The following NEK10 variants were observed in gnomAD, a reference collection of about 807,000 sequenced individuals.
NEK10 encodes NIMA related kinase 10, also known as serine/threonine-protein kinase Nek10.
Under a neutral mutation model 159.8 loss-of-function variants are expected in NEK10, and 122 were observed. The observed-to-expected ratio is 0.76, with a 90% CI of 0.66 to 0.89. The LOEUF (loss-of-function observed/expected upper bound fraction) is 0.89, where lower values mean the gene tolerates loss of function less well. Ranked by LOEUF, NEK10 falls within the 40% of genes least tolerant of loss-of-function variation. NEK10 has a pLI of 0.00. For synonymous variants in NEK10, 466 were observed against 457.1 expected (o/e 1.02, Z -0.25); for missense variants, 1,342 against 1,323.1 (o/e 1.01, Z -0.22).
Position 27,107,264 on chromosome 3 carries a change from A to G in NEK10, c.*4008T>C, listed in dbSNP as rs1191573410. The stretch of plus-strand genomic sequence containing the variant: ...CCATCAGACACCCCATGAAACTCAT[A>G]AAATCTTTCCTGTCCCTCTTGCAAA... On this transcript the variant is annotated 3_prime_UTR_variant, in exon 36 of 36. Transcript: ENST00000691995. 6.6e-6 allele frequency among the ~76,000 whole-genome samples: 1 copy of G among 152,178 alleles called. No homozygotes were observed. The highest frequency in any genetic ancestry group is 6.5e-5 in the Admixed American group (1 of 15,276).
At chr3:27,176,918 T>A (rs577431071) in intron 26 of NEK10, among the ~76,000 whole-genome samples, 15 of 152,324 alleles carry the variant, frequency 9.8e-5, no homozygotes, top group African/African-American at 3.6e-4. Flanking sequence ...CTAGTAAAAC[T>A]TTAACAAAGG....
At chr3:27,180,027 G>A (rs1269498898) in intron 26 of NEK10, among the ~76,000 whole-genome samples, 3 of 152,108 alleles carry the variant, frequency 2.0e-5, no homozygotes, top group Admixed American at 6.5e-5. Flanking sequence ...GTTGCAGTGA[G>A]CTGAGATCAT....
At chr3:27,315,171 T>C (rs1236456789) in intron 6 of NEK10, among the ~76,000 whole-genome samples, 1 of 152,162 alleles carries the variant, frequency 6.6e-6, no homozygotes, top group Non-Finnish European at 1.5e-5. Flanking sequence ...GACATCTCTC[T>C]CCTTACTTAA....
At chr3:27,144,297 A>G (rs1944078408) in intron 30 of NEK10, among the ~76,000 whole-genome samples, 1 of 152,196 alleles carries the variant, frequency 6.6e-6, no homozygotes, top group Admixed American at 6.5e-5. Flanking sequence ...TCCTGGATGC[A>G]CTGTAGTTTA....
chr3:27,161,367 T>C (rs1945995327), intron 30 of NEK10, among the ~76,000 whole-genome samples: 1 of 152,176 alleles, frequency 6.6e-6, no homozygotes, highest in African/African-American at 2.4e-5. Flanking sequence ...CCTCAAACTG[T>C]CAATAACTCA....
chr3:27,232,470 A>G (rs1319493208), intron 23 of NEK10, among the ~76,000 whole-genome samples: 2 of 151,956 alleles, frequency 1.3e-5, no homozygotes, highest in Non-Finnish European at 2.9e-5. Context: ...ATCAATATTA[A>G]GAAAATGACC....
Position 27,284,957 on chromosome 3 carries a change from A to C in NEK10, c.1794T>G (p.Asp598Glu). The change falls in exon 21 of 36, where the codon GAT becomes GAG. Residue 598 changes from aspartate to glutamate, a missense_variant. Coordinates refer to ENST00000691995, the MANE Select transcript of NEK10 (RefSeq NM_001394966.1). ...TCAGCTCCATAACTATGTACAACCTATCATCTATATAAATATCACAAAAGG... is the reference window on the plus strand; with the variant it reads ...TCAGCTCCATAACTATGTACAACCTCTCATCTATATAAATATCACAAAAGG... ...VRYYKTFLEN[D>E]RLYIVMELIE... The C allele has an allele frequency of 6.3e-7, 1 of 1,592,074 alleles. No homozygotes were observed. Among genetic ancestry groups the C allele is most frequent in the Non-Finnish European group, 8.5e-7 (1 of 1,172,012 alleles).
chr3:27,322,343 T>C lies in NEK10; in HGVS notation c.363-82A>G, dbSNP rs543644104. 56 of 820,424 alleles carry C rather than the reference T, an allele frequency of 6.8e-5. 1 individual carries two copies. Among genetic ancestry groups the C allele is most frequent in the African/African-American group, 5.6e-4 (33 of 58,470 alleles). The allele number at this position is 820,424 out of a possible 1,614,324, so 50.8% of individuals were successfully genotyped here. A position where few individuals can be genotyped will look rare whatever the true frequency, so the allele number is the denominator to read the frequency against. On this transcript the variant is annotated intron_variant, in intron 5 of 35. Transcript: ENST00000691995. Reference sequence around the variant, plus strand: ...ATAAAAATGCAAGGCTATGAAGGAGTATAAAGAACGCACTAAGCACTTAGT... The same window carrying C: ...ATAAAAATGCAAGGCTATGAAGGAGCATAAAGAACGCACTAAGCACTTAGT...
In NEK10 at chr3:27,284,590, C is replaced by G; in HGVS notation, c.2014+12G>C. 6.9e-7 allele frequency: 1 copy of G among 1,442,824 alleles called. No homozygotes were observed. Among genetic ancestry groups the G allele is most frequent in the Non-Finnish European group, 9.8e-7 (1 of 1,024,388 alleles). The allele number at this position is 1,442,824 out of a possible 1,614,324, so 89.4% of individuals were successfully genotyped here. ...ATTCTTCAGTTAAAAGTTTAAAAAT[C>G]TTTATACTTACTAACGGTTACTTTG... On this transcript the variant is annotated intron_variant, in intron 22 of 35. Transcript: ENST00000691995.
intron 23 of NEK10, among the ~76,000 whole-genome samples, chr3:27,243,830 G>GGTGTGTGTGTGTGT (rs56720203): frequency 1.3e-5 from 2 of 148,272 alleles, no homozygotes; most frequent in Admixed American, 1.3e-4. Context: ...TGACACCATG[G>GGTGTGTGTGTGTGT]GTGTGTGTGT....
chr3:27,112,224 T>C lies in NEK10; in HGVS notation c.3300-904A>G, dbSNP rs564065307. ...TCCTCAAAGATAGCTAACAGATAGA[T>C]AATGGCTTTATCCTGAGACTTTCAG... On this transcript the variant is annotated intron_variant, in intron 35 of 35. Transcript: ENST00000691995. Among the ~76,000 whole-genome samples, 3 of 152,346 alleles carry C rather than the reference T, an allele frequency of 2.0e-5. No homozygotes were observed. The East Asian group carries it at 5.8e-4, about 29-fold the overall frequency.
At chr3:27,163,563 AG>A (rs532152050) in intron 29 of NEK10, among the ~76,000 whole-genome samples, 40 of 152,130 alleles carry the variant, frequency 2.6e-4, no homozygotes, top group African/African-American at 8.9e-4. Flanking sequence ...CATGTTAGCC[AG>A]GATGGTCTCG....
chr3:27,351,545 C>T (rs1410695364), intron 3 of NEK10, among the ~76,000 whole-genome samples: 1 of 152,112 alleles, frequency 6.6e-6, no homozygotes, highest in African/African-American at 2.4e-5. Context: ...GCAGCGGGCA[C>T]ATAGAAAGTG....
chr3:27,299,143 C>T (rs2043599912), intron 13 of NEK10, among the ~76,000 whole-genome samples: 1 of 152,190 alleles, frequency 6.6e-6, no homozygotes, highest in African/African-American at 2.4e-5. Flanking sequence ...TCCCTCCCAT[C>T]ACAGGCCTGG....
intron 5 of NEK10, among the ~76,000 whole-genome samples, chr3:27,342,389 T>C (rs2047261456): frequency 6.6e-6 from 1 of 152,180 alleles, no homozygotes; most frequent in African/African-American, 2.4e-5. Flanking sequence ...AAAACCTTTA[T>C]ATTTAAGCCA....
At chr3:27,280,095 GAA>G (rs1203824501) in intron 22 of NEK10, among the ~76,000 whole-genome samples, 26 of 69,464 alleles carry the variant, frequency 3.7e-4, no homozygotes, top group African/African-American at 7.5e-4. Flanking sequence ...CCCTAAAATG[GAA>G]AAAAAAAAAA....
Position 27,270,952 on chromosome 3 carries a change from T to C in NEK10, c.2014+13650A>G, listed in dbSNP as rs895772037. Among the ~76,000 whole-genome samples, 28 of 152,204 alleles carry C rather than the reference T, an allele frequency of 1.8e-4. 1 individual carries two copies. Among genetic ancestry groups the C allele is most frequent in the Admixed American group, 1.8e-3 (28 of 15,276 alleles). On this transcript the variant is annotated intron_variant, in intron 22 of 35. Transcript: ENST00000691995. Reference sequence around the variant, plus strand: ...TCTTAACATATTTCATTATCTGAAATTACTTTATGTATTTATTTAGTATTT... The same window carrying C: ...TCTTAACATATTTCATTATCTGAAACTACTTTATGTATTTATTTAGTATTT...
chr3:27,181,781 G>A (rs1054071992), intron 26 of NEK10, among the ~76,000 whole-genome samples: 4 of 152,098 alleles, frequency 2.6e-5, no homozygotes, highest in Admixed American at 6.5e-5. Flanking sequence ...GTTCACTACT[G>A]TATCAGGAGA....
rs1167634659 is a variant in NEK10 at position 27,223,819 on chromosome 3, G to C, written c.2091-21262C>G. Among the ~76,000 whole-genome samples the C allele has an allele frequency of 3.9e-5, 6 of 152,120 alleles. No individual in the cohort carries two copies. In the East Asian group the frequency reaches 1.2e-3, roughly 29 times the overall value. On this transcript the variant is annotated intron_variant, in intron 23 of 35. Transcript: ENST00000691995. ...AGAAACATATTTGGGTTGCTTATTGGACATAACAGTCTTACCATCTCAAAA... is the reference window on the plus strand; with the variant it reads ...AGAAACATATTTGGGTTGCTTATTGCACATAACAGTCTTACCATCTCAAAA...
Sources: gnomAD v4.1 joint callset for allele counts (sites outside exome capture counted in the v4.1 genomes callset) on GRCh38, gnomAD v4.1.1 for gene constraint, MANE v1.5 for transcripts, NCBI Gene and HGNC (gene_info 2026-07-23, HGNC 2026-07-21) for gene names.